DIAPH2: variants seen among roughly 807,000 people sequenced by gnomAD.
DIAPH2 encodes protein diaphanous homolog 2.
Under a neutral mutation model 92.7 loss-of-function variants are expected in DIAPH2, and 35 were observed. The observed-to-expected ratio is 0.38, with a 90% confidence interval of 0.29 to 0.50. The LOEUF (loss-of-function observed/expected upper bound fraction) is 0.50. Ranked by LOEUF, DIAPH2 falls within the 20% of genes least tolerant of loss-of-function variation. DIAPH2 has a pLI of 0.94. For missense variants in DIAPH2, 701 were observed against 819.5 expected (o/e 0.86, Z 1.77); for synonymous variants, 301 against 280.4 (o/e 1.07, Z -0.73).
At chrX:96,884,648 T>A in intron 5 of DIAPH2, 1 of 1,210,133 alleles carries the variant, frequency 8.3e-7, no homozygotes, top group Non-Finnish European at 1.1e-6. Flanking sequence ...AGAGAGAAAG[T>A]CAAGCAGGTG....
rs1009766070 is a variant in DIAPH2 at position 97,316,969 on chromosome X, A to G, written c.2845-31147A>G. ...AAGAATTGAAACAGAAAGGAAATAG[A>G]AACCAGTGCAGGGTGTCTAGGCAAG... is the stretch of plus-strand genomic sequence containing the variant. On this transcript the variant is annotated intron_variant, in intron 23 of 26. Transcript: ENST00000324765. Among the ~76,000 whole-genome samples the G allele has an allele frequency of 2.7e-4, 30 of 111,600 alleles. 1 individual carries two copies. Among genetic ancestry groups the G allele is most frequent in the Non-Finnish European group, 1.9e-5 (1 of 53,170 alleles).
intron 26 of DIAPH2, among the ~76,000 whole-genome samples, chrX:97,598,131 A>G (rs774177180): frequency 3.6e-5 from 4 of 111,703 alleles, no homozygotes; most frequent in Non-Finnish European, 7.5e-5. Flanking sequence ...TACAACAGGC[A>G]GGATGTGTTA....
intron 4 of DIAPH2, among the ~76,000 whole-genome samples, chrX:96,782,315 G>A (rs769316303): frequency 5.4e-5 from 6 of 110,150 alleles, no homozygotes; most frequent in Admixed American, 1.9e-4. Flanking sequence ...GTTTTGAGAC[G>A]GAGTCTCGCT....
intron 2 of DIAPH2, among the ~76,000 whole-genome samples, chrX:96,736,299 C>A (rs2064087085): frequency 9.1e-6 from 1 of 110,375 alleles, no homozygotes. Context: ...GTATTTTAAG[C>A]CTTGTCAGTT....
At chrX:97,585,422 T>G (rs1454036220) in intron 26 of DIAPH2, among the ~76,000 whole-genome samples, 1 of 110,735 alleles carries the variant, frequency 9.0e-6, no homozygotes, top group Non-Finnish European at 1.9e-5. Context: ...TATTTATCTT[T>G]CAACTGGCTT....
In DIAPH2 at chrX:96,890,262, G is replaced by A. The variant is rs140864918; in HGVS notation, c.587+8544G>A. On this transcript the variant is annotated intron_variant, in intron 5 of 26. Coordinates refer to ENST00000324765, the MANE Select transcript of DIAPH2 (RefSeq NM_006729.5). ...ATGTAAATGGGATTGGAGCCTTCCA[G>A]CTCTAAGCCTCTGTGTTCTGTATTT... is the stretch of plus-strand genomic sequence containing the variant. Among the ~76,000 whole-genome samples the A allele has an allele frequency of 5.9e-3, 663 of 111,832 alleles. 11 individuals carry two copies. Among genetic ancestry groups the A allele is most frequent in the African/African-American group, 0.02 (629 of 30,821 alleles).
At chrX:97,109,195 G>A (rs779834909) in intron 20 of DIAPH2, among the ~76,000 whole-genome samples, 1 of 111,420 alleles carries the variant, frequency 9.0e-6, no homozygotes, top group East Asian at 2.8e-4. Flanking sequence ...CAGGTGGGCA[G>A]ATCGCTTGAG....
rs1180376531 is a variant in DIAPH2 at position 97,603,417 on chromosome X, C to G, written c.*4100C>G. On this transcript the variant is annotated 3_prime_UTR_variant, in exon 27 of 27. Coordinates refer to ENST00000324765, the MANE Select transcript of DIAPH2 (RefSeq NM_006729.5). Reference sequence around the variant, plus strand: ...GGTCTACAGGTGCATGCCACCATGCCTGGCTAATTTTTTGCATTTTTTTGT... The same window carrying G: ...GGTCTACAGGTGCATGCCACCATGCGTGGCTAATTTTTTGCATTTTTTTGT... 3 of 110,433 alleles carry G rather than the reference C, an allele frequency of 2.7e-5. No individual in the cohort carries two copies. The highest frequency in any genetic ancestry group is 9.9e-5 in the African/African-American group (3 of 30,311). 9.1% of individuals were successfully genotyped at this position (110,433 alleles called of 1,213,427 possible).
At chrX:97,114,144 C>A (rs1359641200) in intron 20 of DIAPH2, among the ~76,000 whole-genome samples, 1 of 111,782 alleles carries the variant, frequency 8.9e-6, no homozygotes, top group African/African-American at 3.2e-5. Flanking sequence ...TACTTAACAG[C>A]AGCATCTGTC....
intron 26 of DIAPH2, among the ~76,000 whole-genome samples, chrX:97,559,364 C>A (rs929581279): frequency 9.1e-6 from 1 of 110,139 alleles, no homozygotes; most frequent in African/African-American, 3.3e-5. Context: ...GTGGTGCGCG[C>A]CTGTAGACCC....
intron 4 of DIAPH2, among the ~76,000 whole-genome samples, chrX:96,840,255 C>G (rs913305016): frequency 1.8e-5 from 2 of 111,770 alleles, no homozygotes; most frequent in African/African-American, 3.3e-5. Context: ...ATTTATTTCC[C>G]ATCCCTGTAT....
intron 4 of DIAPH2, among the ~76,000 whole-genome samples, chrX:96,759,920 CA>C (rs1402282936): frequency 8.1e-5 from 9 of 111,155 alleles, no homozygotes; most frequent in South Asian, 3.7e-4. Flanking sequence ...GATTAAAATG[CA>C]AAAAATTGGA....
intron 4 of DIAPH2, among the ~76,000 whole-genome samples, chrX:96,776,713 A>G (rs2064380189): frequency 9.1e-6 from 1 of 110,002 alleles, no homozygotes; most frequent in African/African-American, 3.3e-5. Flanking sequence ...TTTCCTCCTA[A>G]GTTTACTAAA....
At chrX:97,175,307 C>T (rs1827053302) in intron 22 of DIAPH2, among the ~76,000 whole-genome samples, 1 of 111,678 alleles carries the variant, frequency 9.0e-6, no homozygotes, top group Admixed American at 9.6e-5. Context: ...ATCTCATAGG[C>T]TGTCATCTGA....
chrX:97,097,534 G>C (rs1382121067), intron 19 of DIAPH2, among the ~76,000 whole-genome samples: 2 of 111,841 alleles, frequency 1.8e-5, no homozygotes, highest in Non-Finnish European at 3.8e-5. Context: ...CTATAGCTAG[G>C]AGAAAAATAA....
intron 26 of DIAPH2, among the ~76,000 whole-genome samples, chrX:97,505,733 A>G (rs1216348569): frequency 1.8e-5 from 2 of 109,443 alleles, no homozygotes; most frequent in Non-Finnish European, 3.8e-5. Flanking sequence ...AATCTCCTGC[A>G]TCTGTTATAA....
chrX:97,499,735 G>C (rs1344468256), intron 26 of DIAPH2, among the ~76,000 whole-genome samples: 1 of 111,433 alleles, frequency 9.0e-6, no homozygotes, highest in African/African-American at 3.3e-5. Context: ...AAGAAAATAT[G>C]GTATATGTAC....
At chrX:97,079,864 A>G (rs2066729289) in intron 19 of DIAPH2, among the ~76,000 whole-genome samples, 1 of 111,380 alleles carries the variant, frequency 9.0e-6, no homozygotes, top group African/African-American at 3.3e-5. Flanking sequence ...AGAGAATGAG[A>G]TTGGGAGAAG....
At chrX:97,216,513 C>G (rs907115626) in intron 22 of DIAPH2, among the ~76,000 whole-genome samples, 2 of 108,727 alleles carry the variant, frequency 1.8e-5, no homozygotes, top group Admixed American at 2.0e-4. Flanking sequence ...CCTATGTTGC[C>G]CAGGCTGGTC....
Sources: gnomAD v4.1 joint callset for allele counts (sites outside exome capture counted in the v4.1 genomes callset) on GRCh38, gnomAD v4.1.1 for gene constraint, MANE v1.5 for transcripts, NCBI Gene and HGNC (gene_info 2026-07-23, HGNC 2026-07-21) for gene names.